Variants in SGCD observed in about 807,000 individuals in gnomAD.
The protein encoded by SGCD is sarcoglycan delta, also known as delta-sarcoglycan.
A neutral mutation model predicts 36.6 loss-of-function variants in SGCD; 18 were observed. That is an observed-to-expected ratio of 0.49 (90% confidence interval 0.34 to 0.73). SGCD has a LOEUF of 0.73. Ranked by LOEUF, SGCD falls within the 30% of genes least tolerant of loss-of-function variation. The pLI is 0.01. For missense variants in SGCD, 387 were observed against 346.7 expected (o/e 1.12, Z -0.92); for synonymous variants, 133 against 130.6 (o/e 1.02, Z -0.12).
chr5:156,705,095 G>T (rs937148465), intron 7 of SGCD, among the ~76,000 whole-genome samples: 1 of 151,984 alleles, frequency 6.6e-6, no homozygotes, highest in African/African-American at 2.4e-5. Context: ...TAATGATTCA[G>T]CAAATTTTAT....
the SGCD span, among the ~76,000 whole-genome samples, chr5:155,748,721 C>T: frequency 2.0e-5 from 3 of 152,130 alleles, no homozygotes; most frequent in African/African-American, 7.2e-5. Context: ...AAGTCATTGT[C>T]CATCATGGCC....
chr5:156,596,992 GAC>G (rs1332898438), intron 6 of SGCD, among the ~76,000 whole-genome samples: 1 of 152,128 alleles, frequency 6.6e-6, no homozygotes, highest in Non-Finnish European at 1.5e-5. Context: ...AGATGGAAGT[GAC>G]CATCCTTATG....
At chr5:155,813,191 A>T in the SGCD span, among the ~76,000 whole-genome samples, 1 of 151,984 alleles carries the variant, frequency 6.6e-6, no homozygotes, top group Admixed American at 6.6e-5. Context: ...GATAGGTGAG[A>T]GGTATGGGAT....
At chr5:156,028,592 T>G (rs184060409) in intron 1 of SGCD, among the ~76,000 whole-genome samples, 3 of 152,284 alleles carry the variant, frequency 2.0e-5, no homozygotes, top group Non-Finnish European at 4.4e-5. Flanking sequence ...TGGTCAATAA[T>G]TGCTTGCTAT....
intron 3 of SGCD, among the ~76,000 whole-genome samples, chr5:156,146,710 G>A (rs1366894704): frequency 4.6e-5 from 7 of 152,176 alleles, no homozygotes; most frequent in African/African-American, 1.7e-4. Flanking sequence ...GGTAAATGAT[G>A]AGAGTAATAT....
intron 1 of SGCD, among the ~76,000 whole-genome samples, chr5:155,889,815 G>A (rs957128564): frequency 5.9e-5 from 9 of 152,114 alleles, no homozygotes; most frequent in East Asian, 1.9e-4. Flanking sequence ...TGACTGTGCC[G>A]CATCTCATGG....
rs17053606 is a variant in SGCD at position 156,541,163 on chromosome 5, A to G, written c.294+32461A>G. ...GTCTATGCTCAAAGAGTAGGAAAAA[A>G]AGCTGATGCTATTAGATGAGTAGTA... On this transcript the variant is annotated intron_variant, in intron 4 of 8. Transcript: ENST00000337851. Among the ~76,000 whole-genome samples the G allele has an allele frequency of 0.012, 1,876 of 152,278 alleles. 91 individuals are homozygous for G. The East Asian group carries it at 0.17, about 14-fold the overall frequency.
the SGCD span, among the ~76,000 whole-genome samples, chr5:155,754,948 G>A: frequency 6.6e-6 from 1 of 152,096 alleles, no homozygotes; most frequent in Non-Finnish European, 1.5e-5. Context: ...CAGTTTTGCA[G>A]CCATGAAAGC....
chr5:156,071,082 C>T (rs1316708935), intron 1 of SGCD, among the ~76,000 whole-genome samples: 1 of 152,134 alleles, frequency 6.6e-6, no homozygotes, highest in Admixed American at 6.5e-5. Flanking sequence ...CAAAAAGCAG[C>T]TCCTGGATTC....
At chr5:156,576,703 G>T (rs1331609429) in intron 4 of SGCD, among the ~76,000 whole-genome samples, 3 of 152,162 alleles carry the variant, frequency 2.0e-5, no homozygotes, top group African/African-American at 7.2e-5. Flanking sequence ...TCATGTGTCT[G>T]TTGGCTGCAT....
intron 3 of SGCD, among the ~76,000 whole-genome samples, chr5:156,268,896 A>T (rs1766076802): frequency 6.6e-6 from 1 of 151,842 alleles, no homozygotes. Flanking sequence ...GCCCAGTCAG[A>T]TTTGCATTTT....
the SGCD span, among the ~76,000 whole-genome samples, chr5:155,785,228 A>G: frequency 3.3e-5 from 5 of 152,308 alleles, 1 homozygote; most frequent in African/African-American, 1.2e-4. Context: ...CTTGAAATGA[A>G]TGAGATCTAT....
rs527801800 is a variant in SGCD at position 156,757,636 on chromosome 5, A to C, written c.631A>C (p.Asn211His). The change falls in exon 8 of 9, where the codon AAT (asparagine) becomes CAT (histidine). Residue 211 changes from asparagine (N) to histidine (H), a missense_variant. By Grantham distance (68) the Asn-to-His change is moderately conservative (BLOSUM62 1). Coordinates refer to ENST00000337851, the MANE Select transcript of SGCD (RefSeq NM_000337.6). ...VMEAPKGVEI[N>H]AEAGNMEATC... is the part of the protein sequence containing the mutation. ...GGAGGCCCCAAAAGGAGTGGAAATC[A>C]ATGCAGAAGCTGGCAATATGGAAGC... 1 of 1,611,508 alleles carries C rather than the reference A, an allele frequency of 6.2e-7. No individual in the cohort carries two copies. Among genetic ancestry groups the C allele is most frequent in the African/African-American group, 1.3e-5 (1 of 75,038 alleles).
chr5:156,041,788 G>A (rs1317221114), intron 1 of SGCD, among the ~76,000 whole-genome samples: 1 of 152,094 alleles, frequency 6.6e-6, no homozygotes, highest in Non-Finnish European at 1.5e-5. Context: ...ATAAAAGAGA[G>A]GTAATCTCTA....
chr5:155,750,521 C>G, the SGCD span, among the ~76,000 whole-genome samples: 3 of 152,098 alleles, frequency 2.0e-5, no homozygotes, highest in Non-Finnish European at 2.9e-5. Context: ...CTATTTGTCC[C>G]TTTTAATTAG....
chr5:156,165,965 A>G (rs1561546576), intron 3 of SGCD, among the ~76,000 whole-genome samples: 1 of 152,246 alleles, frequency 6.6e-6, no homozygotes, highest in Non-Finnish European at 1.5e-5. Flanking sequence ...ATGCTTAAGT[A>G]TGACAACACA....
intron 3 of SGCD, among the ~76,000 whole-genome samples, chr5:156,364,416 A>G (rs997173545): frequency 1.6e-4 from 25 of 152,132 alleles, no homozygotes; most frequent in African/African-American, 3.1e-4. Context: ...CTTAGCAAGA[A>G]TACTTTGCAA....
Position 155,916,233 on chromosome 5 carries a change from A to G in SGCD, c.-282+45809A>G, listed in dbSNP as rs12332095. ...ATGTTTTTCATTAAGAGGGTTTTAG[A>G]GACGAGTGAAAAATTTAATTATTTG... On this transcript the variant is annotated intron_variant, in intron 1 of 9. Coordinates refer to the SGCD transcript ENST00000517913. Among the ~76,000 whole-genome samples the G allele has an allele frequency of 9.4e-3, 1,431 of 152,278 alleles. 27 individuals carry two copies. The highest frequency in any genetic ancestry group is 0.032 in the African/African-American group (1,323 of 41,554).
intron 1 of SGCD, among the ~76,000 whole-genome samples, chr5:156,049,721 A>T (rs1042460608): frequency 6.8e-6 from 1 of 146,876 alleles, no homozygotes; most frequent in African/African-American, 2.5e-5. Context: ...TCTAGATGCC[A>T]TTAAGAACAT....
Sources: allele counts gnomAD v4.1 joint callset (sites outside exome capture counted in the v4.1 genomes callset), GRCh38; gene constraint gnomAD v4.1.1; transcripts MANE v1.5; gene names NCBI Gene and HGNC (gene_info 2026-07-23, HGNC 2026-07-21).